MLXIP: variants seen among roughly 807,000 people sequenced by gnomAD.
MLXIP encodes MLX-interacting protein.
A neutral mutation model predicts 87.2 loss-of-function variants in MLXIP; 30 were observed. That is an observed-to-expected ratio of 0.34 (90% CI 0.26 to 0.47). The LOEUF (loss-of-function observed/expected upper bound fraction) is 0.47, where lower values mean the gene tolerates loss of function less well. Among genes scored for constraint, MLXIP ranks in the 20% least tolerant of loss-of-function variants. MLXIP has a pLI of 1.00. For synonymous variants in MLXIP, 530 were observed against 514.0 expected, an observed-to-expected ratio of 1.03 and a Z score of -0.42; for missense variants, 1,002 against 1,240.1, an observed-to-expected ratio of 0.81 and a Z score of 2.88.
chr12:122,121,010 G>GTTTTTTTTTTTTTTTTTTTTTTTTT lies in MLXIP; in HGVS notation c.414-6228_414-6227insTTTTTTTTTTTTTTTTTTTTTTTTT, dbSNP rs1233404015. On this transcript the variant is annotated intron_variant, in intron 1 of 16. Coordinates refer to ENST00000319080, the MANE Select transcript of MLXIP (RefSeq NM_014938.6). ...AGCCCCAGAGCCCTCTGCATGCTTG[G>GTTTTTTTTTTTTTTTTTTTTTTTTT]TTTTTTTTTTTTTTTTTTGAAACGG... Among the ~76,000 whole-genome samples, 216 of 111,848 alleles carry GTTTTTTTTTTTTTTTTTTTTTTTTT rather than the reference G, an allele frequency of 1.9e-3. 20 individuals are homozygous for GTTTTTTTTTTTTTTTTTTTTTTTTT. The highest frequency in any genetic ancestry group is 8.6e-3 in the East Asian group (27 of 3,122). The allele number at this position is 111,848 out of a possible 152,430, so 73.4% of individuals were successfully genotyped here. A position where few individuals can be genotyped will look rare whatever the true frequency, so the allele number is the denominator to read the frequency against.
intron 1 of MLXIP, among the ~76,000 whole-genome samples, chr12:122,100,156 C>T (rs1170449756): frequency 6.6e-6 from 1 of 152,112 alleles, no homozygotes; most frequent in Non-Finnish European, 1.5e-5. Flanking sequence ...ATGACCTTAT[C>T]TACAGGGTTA....
At position 122,089,032 on chromosome 12, in the gene MLXIP, A is replaced by AT. The variant is rs1336901090; in HGVS notation, c.413+9768dup. On this transcript the variant is annotated intron_variant, in intron 1 of 16. Coordinates refer to ENST00000319080, the MANE Select transcript of MLXIP (RefSeq NM_014938.6). ...TACAAAAAAAAAAAAAAAAAAAAAA[A>AT]TTAGCTGGGTGTGGTGGTGCCTGTC... Among the ~76,000 whole-genome samples, 66 of 148,638 alleles carry AT rather than the reference A, an allele frequency of 4.4e-4. No individual in the cohort carries two copies. The East Asian group carries it at 0.013, about 28-fold the overall frequency.
intron 1 of MLXIP, among the ~76,000 whole-genome samples, chr12:122,086,876 A>G (rs36137575): frequency 0.67 from 101,782 of 151,918 alleles, 34,206 homozygotes; most frequent in East Asian, 0.75. Context: ...GAAGAGACTG[A>G]CTCTCACAGG....
chr12:122,122,782 C>T (rs893482963), intron 1 of MLXIP, among the ~76,000 whole-genome samples: 2 of 151,860 alleles, frequency 1.3e-5, no homozygotes, highest in East Asian at 1.9e-4. Flanking sequence ...CTCTTGACCT[C>T]GTGATACACC....
In MLXIP at chr12:122,131,441, C is replaced by CTTTTTTTT. The variant is rs1174308802; in HGVS notation, c.1000+526_1000+533dup. Among the ~76,000 whole-genome samples the CTTTTTTTT allele has an allele frequency of 3.4e-4, 26 of 76,570 alleles. 3 individuals carry two copies. The highest frequency in any genetic ancestry group is 7.5e-3 in the Middle Eastern group (1 of 134). 50.2% of individuals were successfully genotyped at this position (76,570 alleles called of 152,430 possible). The stretch of plus-strand genomic sequence containing the variant: ...GGTTTAGTCCTTGATTTGTTTGAGT[C>CTTTTTTTT]TTTTTTTTTTTTTTTTTTTTTTTTT... On this transcript the variant is annotated intron_variant, in intron 7 of 16. Transcript: ENST00000319080.
At chr12:122,095,847 AT>A (rs2135917171) in intron 1 of MLXIP, among the ~76,000 whole-genome samples, 1 of 151,156 alleles carries the variant, frequency 6.6e-6, no homozygotes, top group Admixed American at 6.6e-5. Context: ...GTATATATAT[AT>A]TTTCCTTATT....
In MLXIP at chr12:122,094,670, GTGTGTGTGCGA is replaced by G. The variant is rs1952319829; in HGVS notation, c.413+15408_413+15418del. ...GTGTGGTGTGTTGGTGTGTGTGCAG[GTGTGTGTGCGA>G]TGTCTGTTGTGTGTTGTGTGTGTGG... On this transcript the variant is annotated intron_variant, in intron 1 of 16. Transcript: ENST00000319080. Among the ~76,000 whole-genome samples, 4 of 146,514 alleles carry G rather than the reference GTGTGTGTGCGA, an allele frequency of 2.7e-5. No homozygotes were observed. In the East Asian group the frequency reaches 8.3e-4, roughly 30 times the overall value.
At chr12:122,117,363 C>T (rs965860958) in intron 1 of MLXIP, among the ~76,000 whole-genome samples, 9 of 152,250 alleles carry the variant, frequency 5.9e-5, no homozygotes, top group Non-Finnish European at 1.3e-4. Flanking sequence ...TGGCCCCTCC[C>T]GCGTGCCAGC....
At chr12:122,123,467 TGA>T (rs1382669112) in intron 1 of MLXIP, among the ~76,000 whole-genome samples, 8 of 152,230 alleles carry the variant, frequency 5.3e-5, no homozygotes, top group Non-Finnish European at 1.2e-4. Flanking sequence ...TGCTGAAGTC[TGA>T]CTGTGTTTGA....
Position 122,129,190 on chromosome 12 carries a change from G to C in MLXIP, c.660G>C (p.Arg220=). The C allele has an allele frequency of 1.2e-6, 2 of 1,611,548 alleles. No homozygotes were observed. The highest frequency in any genetic ancestry group is 1.7e-6 in the Non-Finnish European group (2 of 1,178,912). Residue 220 remains arginine (R), a synonymous_variant, in exon 4 of 17, where the codon CGG becomes CGC. Coordinates refer to ENST00000319080, the MANE Select transcript of MLXIP (RefSeq NM_014938.6). ...YWKSRIEIVI[R]EYHKWRTYFK... ...AGAGCCGCATCGAGATTGTGATCCG[G>C]GAGTATCACAAGTGGAGAACCTACT...
In MLXIP at chr12:122,133,914, G is replaced by A. The variant is rs1233180932; in HGVS notation, c.1659G>A (p.Gln553=). 6.2e-7 allele frequency: 1 copy of A among 1,609,110 alleles called. No homozygotes were observed. Among genetic ancestry groups the A allele is most frequent in the Non-Finnish European group, 8.5e-7 (1 of 1,178,128 alleles). The change falls in exon 9 of 17, where the codon CAG becomes CAA. Residue 553 remains glutamine (Q), a synonymous_variant. Coordinates refer to ENST00000319080, the MANE Select transcript of MLXIP (RefSeq NM_014938.6). The surrounding 1 kb of genome is among the most constrained non-coding windows in gnomAD (Gnocchi z 4.9). Reference sequence around the variant, plus strand: ...CCTTGACTGGGGGCAGGCCTAAGCAGCCCCACAAAATAGTGCCTGCTCCCA... The same window carrying A: ...CCTTGACTGGGGGCAGGCCTAAGCAACCCCACAAAATAGTGCCTGCTCCCA... The part of the protein sequence containing the change: ...PVSLTGGRPK[Q]PHKIVPAPKP...
chr12:122,117,243 G>A (rs936095686), intron 1 of MLXIP, among the ~76,000 whole-genome samples: 12 of 152,236 alleles, frequency 7.9e-5, no homozygotes, highest in African/African-American at 2.9e-4. Context: ...AGAGATCCAC[G>A]AGGAGGATGG....
intron 1 of MLXIP, among the ~76,000 whole-genome samples, chr12:122,086,537 T>G (rs977479324): frequency 2.0e-5 from 3 of 152,178 alleles, no homozygotes; most frequent in African/African-American, 7.2e-5. Flanking sequence ...GAGCCTGAGC[T>G]CTCATTCCCT....
chr12:122,124,046 T>C (rs2135963010), intron 1 of MLXIP, among the ~76,000 whole-genome samples: 1 of 152,286 alleles, frequency 6.6e-6, no homozygotes, highest in South Asian at 2.1e-4. Context: ...AGGTTGGCTA[T>C]CCACCTTGTG....
Position 122,133,881 on chromosome 12 carries a change from A to G in MLXIP, c.1626A>G (p.Lys542=). Residue 542 remains lysine, a synonymous_variant, in exon 9 of 17, where the codon AAA becomes AAG. Coordinates refer to ENST00000319080, the MANE Select transcript of MLXIP (RefSeq NM_014938.6). This position sits in a 1 kb window ranked among gnomAD's most constrained non-coding sequence, Gnocchi z 4.9. ...CACGGTTAACTTTTGTGCACCCCAA[A>G]CCTGTATCCTTGACTGGGGGCAGGC... is the stretch of plus-strand genomic sequence containing the variant. The part of the protein sequence containing the change: ...PQPRLTFVHP[K]PVSLTGGRPK... 1 of 1,611,964 alleles carries G rather than the reference A, an allele frequency of 6.2e-7. No homozygotes were observed. Among genetic ancestry groups the G allele is most frequent in the Non-Finnish European group, 8.5e-7 (1 of 1,179,244 alleles).
rs377424471 is a variant in MLXIP at position 122,103,840 on chromosome 12, GTTTT to G, written c.414-23404_414-23401del. Among the ~76,000 whole-genome samples, 363 of 142,892 alleles carry G rather than the reference GTTTT, an allele frequency of 2.5e-3. 7 individuals are homozygous for G. In the South Asian group the frequency reaches 0.033, roughly 13 times the overall value. 93.7% of individuals were successfully genotyped at this position (142,892 alleles called of 152,430 possible). On this transcript the variant is annotated intron_variant, in intron 1 of 16. Transcript: ENST00000319080. The stretch of plus-strand genomic sequence containing the variant: ...CACTGTGCCCGGCCTAATTTTGTTT[GTTTT>G]TTTTTTTTTTTGTAGAGACAGGGTT...
At chr12:122,115,189 T>C (rs550771369) in intron 1 of MLXIP, among the ~76,000 whole-genome samples, 2 of 152,282 alleles carry the variant, frequency 1.3e-5, no homozygotes, top group South Asian at 4.1e-4. Flanking sequence ...GATAGATATA[T>C]ATTTTAATCA....
intron 1 of MLXIP, among the ~76,000 whole-genome samples, chr12:122,105,383 T>C (rs1216920945): frequency 6.6e-6 from 1 of 152,010 alleles, no homozygotes; most frequent in African/African-American, 2.4e-5. Context: ...GTTTCGCTCT[T>C]GTTGCCCAGG....
At chr12:122,141,611 G>C in intron 16 of MLXIP, 80 bp from the exon 17 acceptor site, 2 of 1,564,474 alleles carry the variant, frequency 1.3e-6, no homozygotes, top group Admixed American at 3.5e-5. Flanking sequence ...ATTCCCACAT[G>C]GGTTGTAGGT....
Sources: gnomAD v4.1 joint callset for allele counts (sites outside exome capture counted in the v4.1 genomes callset) on GRCh38, gnomAD v4.1.1 for gene constraint, Gnocchi (gnomAD v3.1) non-coding constraint, MANE v1.5 for transcripts, NCBI Gene and HGNC (gene_info 2026-07-23, HGNC 2026-07-21) for gene names.